BMP2K: variants seen among roughly 807,000 people sequenced by gnomAD.
The protein encoded by BMP2K is BMP-2-inducible protein kinase.
In BMP2K, 74 loss-of-function variants were observed where a neutral mutation model predicts 116.0. That is an observed-to-expected ratio of 0.64 (90% confidence interval 0.53 to 0.77). The LOEUF is 0.77. BMP2K is among the 30% of genes least tolerant of loss of function. BMP2K has a pLI of 0.00. For missense variants in BMP2K, 1,365 were observed against 1,403.6 expected (o/e 0.97, Z 0.44); for synonymous variants, 486 against 502.5 (o/e 0.97, Z 0.44).
chr4:78,799,966 A>G (rs1444522173), intron 1 of BMP2K, among the ~76,000 whole-genome samples: 2 of 152,224 alleles, frequency 1.3e-5, no homozygotes, highest in Non-Finnish European at 2.9e-5. Context: ...TGCGGGGAAT[A>G]GTGGAAGTCG....
At chr4:78,786,742 A>G (rs1727751238) in intron 1 of BMP2K, among the ~76,000 whole-genome samples, 1 of 152,202 alleles carries the variant, frequency 6.6e-6, no homozygotes, top group South Asian at 2.1e-4. Context: ...CTGAAACCCT[A>G]TCTACAACCA....
At chr4:78,858,949 C>T (rs1232441271) in intron 7 of BMP2K, among the ~76,000 whole-genome samples, 1 of 151,822 alleles carries the variant, frequency 6.6e-6, no homozygotes, top group Non-Finnish European at 1.5e-5. Context: ...TCAGGCATTT[C>T]AAGCAATGCT....
At chr4:78,868,742 TG>T (rs36041085) in intron 10 of BMP2K, among the ~76,000 whole-genome samples, 1 of 152,008 alleles carries the variant, frequency 6.6e-6, no homozygotes, top group Non-Finnish European at 1.5e-5. Flanking sequence ...TGAAATCCAG[TG>T]GGGTGGTCCA....
At chr4:78,804,780 T>C (rs1234990626) in intron 1 of BMP2K, among the ~76,000 whole-genome samples, 1 of 152,004 alleles carries the variant, frequency 6.6e-6, no homozygotes, top group Non-Finnish European at 1.5e-5. Flanking sequence ...GGGTTGTCTT[T>C]TTATTGTTCA....
In BMP2K at chr4:78,860,437, C is replaced by T. The variant is rs76926457; in HGVS notation, c.987+750C>T. Among the ~76,000 whole-genome samples the T allele has an allele frequency of 1.6e-4, 25 of 151,842 alleles. No individual in the cohort carries two copies. The East Asian group carries it at 4.6e-3, about 28-fold the overall frequency. On this transcript the variant is annotated intron_variant, in intron 8 of 15. Coordinates refer to ENST00000502613, the MANE Select transcript of BMP2K (RefSeq NM_198892.2). ...ATCTTTTGGTAAGTTACTTTAATGT[C>T]CATTTCTTTTTCTGTAAAACAAGGA...
chr4:78,829,889 G>T (rs1730126597), intron 2 of BMP2K, among the ~76,000 whole-genome samples: 1 of 142,046 alleles, frequency 7.0e-6, no homozygotes, highest in Non-Finnish European at 1.5e-5. Flanking sequence ...TTGCTCTGTT[G>T]CCCAGGGCTG....
chr4:78,811,212 G>A (rs1262381219), intron 1 of BMP2K, among the ~76,000 whole-genome samples: 1 of 152,022 alleles, frequency 6.6e-6, no homozygotes, highest in African/African-American at 2.4e-5. Context: ...ATTACTTTCT[G>A]TCTCTCATTC....
chr4:78,787,986 A>T (rs564351359), intron 1 of BMP2K, among the ~76,000 whole-genome samples: 27 of 152,024 alleles, frequency 1.8e-4, no homozygotes, highest in African/African-American at 6.5e-4. Context: ...TTTGAATGAG[A>T]TTGTCAGTGG....
At chr4:78,777,330 T>C (rs1161787179) in intron 1 of BMP2K, among the ~76,000 whole-genome samples, 3 of 152,222 alleles carry the variant, frequency 2.0e-5, no homozygotes, top group Non-Finnish European at 4.4e-5. Flanking sequence ...TCTTCTCTGT[T>C]GGACAAGGTG....
At chr4:78,835,321 A>G (rs1432610789) in intron 3 of BMP2K, among the ~76,000 whole-genome samples, 1 of 152,088 alleles carries the variant, frequency 6.6e-6, no homozygotes, top group Non-Finnish European at 1.5e-5. Flanking sequence ...ATTTGTATAT[A>G]TGGTTTAAAA....
chr4:78,785,166 A>G (rs1727673877), intron 1 of BMP2K, among the ~76,000 whole-genome samples: 1 of 152,018 alleles, frequency 6.6e-6, no homozygotes, highest in South Asian at 2.1e-4. Flanking sequence ...GCTGGAGTGC[A>G]GTGCTGCAGT....
intron 1 of BMP2K, among the ~76,000 whole-genome samples, chr4:78,789,350 T>G (rs1022961903): frequency 6.6e-6 from 1 of 152,192 alleles, no homozygotes; most frequent in Non-Finnish European, 1.5e-5. Flanking sequence ...TCATTTTGTT[T>G]CCTTATGCCT....
chr4:78,817,583 A>G (rs968983833), intron 1 of BMP2K, among the ~76,000 whole-genome samples: 3 of 152,188 alleles, frequency 2.0e-5, no homozygotes, highest in African/African-American at 7.2e-5. Flanking sequence ...GTACAGCCCT[A>G]TGTTCACCAA....
chr4:78,837,705 A>G (rs1014844339), intron 3 of BMP2K, among the ~76,000 whole-genome samples: 11 of 151,704 alleles, frequency 7.3e-5, no homozygotes, highest in Middle Eastern at 7.1e-3. Flanking sequence ...TGTCATCCAC[A>G]CTGGAGTCCA....
intron 1 of BMP2K, among the ~76,000 whole-genome samples, chr4:78,791,926 G>C (rs1728022225): frequency 6.6e-6 from 1 of 152,172 alleles, no homozygotes; most frequent in Non-Finnish European, 1.5e-5. Flanking sequence ...GTATATGTTT[G>C]AGTCCCTGCT....
intron 15 of BMP2K, among the ~76,000 whole-genome samples, chr4:78,895,687 T>A (rs1279605533): frequency 6.6e-6 from 1 of 151,774 alleles, no homozygotes; most frequent in Non-Finnish European, 1.5e-5. Flanking sequence ...TAAAGAAAAA[T>A]CATCAAAATT....
chr4:78,829,402 G>GTTTTTTTTTT (rs79345386), intron 2 of BMP2K, among the ~76,000 whole-genome samples: 5 of 133,856 alleles, frequency 3.7e-5, no homozygotes, highest in Non-Finnish European at 5.0e-5. Flanking sequence ...ATAGTTTTTT[G>GTTTTTTTTTT]TTTTTTTTTT....
intron 1 of BMP2K, among the ~76,000 whole-genome samples, chr4:78,825,588 GAAT>G (rs1398639803): frequency 1.3e-5 from 2 of 152,212 alleles, no homozygotes; most frequent in African/African-American, 4.8e-5. Flanking sequence ...GATGGGCTTA[GAAT>G]AATATTGGTT....
rs139596471 is a variant in BMP2K, at chr4:78,872,923, C to G, written c.1793+125C>G. 99 of 975,550 alleles carry G rather than the reference C, an allele frequency of 1.0e-4. No homozygotes were observed. The African/African-American group carries it at 1.4e-3, about 14-fold the overall frequency. 60.4% of individuals were successfully genotyped at this position (975,550 alleles called of 1,614,324 possible). ...ATCTTTCTGTAGAGCCACCCATTCT[C>G]TCTTCCTAGTCCTGTCTTCTGGTCC... On this transcript the variant is annotated intron_variant, in intron 13 of 15. Transcript: ENST00000502613.
Sources: allele counts gnomAD v4.1 joint callset (sites outside exome capture counted in the v4.1 genomes callset), GRCh38; gene constraint gnomAD v4.1.1; transcripts MANE v1.5; gene names NCBI Gene and HGNC (gene_info 2026-07-23, HGNC 2026-07-21).